TTC7B: variants seen among roughly 807,000 people sequenced by gnomAD.
The protein encoded by TTC7B is tetratricopeptide repeat domain 7B.
TTC7B carries 28 observed loss-of-function variants against 106.8 expected under a neutral mutation model. That is an observed-to-expected ratio of 0.26 (90% CI 0.19 to 0.36). TTC7B has a LOEUF of 0.36. Ranked by LOEUF, TTC7B falls within the 10% of genes least tolerant of loss-of-function variation. The probability of loss-of-function intolerance (pLI) is 1.00; values close to 1 mark genes in which losing one functional copy is unlikely to be tolerated. For synonymous variants in TTC7B, 405 were observed against 430.6 expected (o/e 0.94, Z 0.74); for missense variants, 862 against 1,076.4 (o/e 0.80, Z 2.79).
At chr14:90,730,977 G>T (rs1436111761) in intron 4 of TTC7B, among the ~76,000 whole-genome samples, 3 of 152,060 alleles carry the variant, frequency 2.0e-5, no homozygotes, top group African/African-American at 7.2e-5. Context: ...ACAGAGTCTC[G>T]CTCTGTCGCC....
At position 90,578,767 on chromosome 14, in the gene TTC7B, G is replaced by A. The variant is rs547112935; in HGVS notation, c.2108-459C>T. ...CTGCCCTCTGACCCACTCTCCTGAT[G>A]CCAAGAAGTATGATGGGGCTGCAGG... On this transcript the variant is annotated intron_variant, in intron 18 of 19. Coordinates refer to ENST00000328459, the MANE Select transcript of TTC7B (RefSeq NM_001010854.2). This position sits in a 1 kb window ranked among gnomAD's most constrained non-coding sequence, Gnocchi z 4.7. Among the ~76,000 whole-genome samples the A allele has an allele frequency of 2.0e-5, 3 of 152,114 alleles. No individual in the cohort carries two copies. Among genetic ancestry groups the A allele is most frequent in the African/African-American group, 2.4e-5 (1 of 41,518 alleles).
chr14:90,779,341 T>C (rs1891134981), intron 3 of TTC7B, among the ~76,000 whole-genome samples: 1 of 152,232 alleles, frequency 6.6e-6, no homozygotes, highest in South Asian at 2.1e-4. Flanking sequence ...CTCGCTCTTG[T>C]CGCACAGGCT....
At chr14:90,786,144 G>A (rs765162858) in intron 2 of TTC7B, 30 bp downstream of exon 2, 254 of 1,512,868 alleles carry the variant, frequency 1.7e-4, no homozygotes, top group Non-Finnish European at 2.2e-4. Context: ...TCCAAAGGAA[G>A]TGTCGCCTCA....
chr14:90,728,167 A>G (rs1889182937), intron 5 of TTC7B, among the ~76,000 whole-genome samples: 1 of 151,990 alleles, frequency 6.6e-6, no homozygotes, highest in Non-Finnish European at 1.5e-5. Flanking sequence ...AGCTAGTTGC[A>G]CCAGCAGGGA....
At position 90,541,475 on chromosome 14, in the gene TTC7B, G is replaced by A; in HGVS notation, c.2425C>T (p.Gln809Ter). 1 of 1,614,090 alleles carries A rather than the reference G, an allele frequency of 6.2e-7. No individual in the cohort carries two copies. The highest frequency in any genetic ancestry group is 8.5e-7 in the Non-Finnish European group (1 of 1,179,994). ...GCCGCCGCATCGTTGCCCTGAGCTT[G>A]GAGGACCTCGCCCAGCCCGTTCCAG... ...EVWNGLGEVL[Q>*]AQGNDAAATE... is the part of the protein sequence containing the mutation. The change falls in exon 20 of 20, where the codon CAA becomes TAA. Residue 809 changes from glutamine (Q) to a stop codon, truncating the protein, a stop_gained. Transcript: ENST00000328459. LOFTEE classifies it high-confidence loss of function.
intron 6 of TTC7B, among the ~76,000 whole-genome samples, chr14:90,694,334 C>T (rs1012447620): frequency 6.6e-6 from 1 of 152,064 alleles, no homozygotes; most frequent in Non-Finnish European, 1.5e-5. Flanking sequence ...TTAGTGGTTG[C>T]CAGGGACTAG....
At position 90,586,458 on chromosome 14, in the gene TTC7B, C is replaced by T. The variant is rs748690470; in HGVS notation, c.2107+7028G>A. 3.9e-5 allele frequency among the ~76,000 whole-genome samples: 6 copies of T among 152,126 alleles called. No homozygotes were observed. The South Asian group carries it at 6.2e-4, about 16-fold the overall frequency. ...GCTACTTTTGTATTTTTAGTAGAGA[C>T]GGGGTTTCACCATGTTGGCCAGGCT... On this transcript the variant is annotated intron_variant, in intron 18 of 19. Transcript: ENST00000328459.
At chr14:90,561,528 GTC>G in intron 19 of TTC7B, among the ~76,000 whole-genome samples, 1 of 152,216 alleles carries the variant, frequency 6.6e-6, no homozygotes, top group Non-Finnish European at 1.5e-5. Flanking sequence ...CACCACTGAA[GTC>G]TCTCTGGCTC....
intron 16 of TTC7B, among the ~76,000 whole-genome samples, chr14:90,616,641 TCA>T (rs932161536): frequency 6.6e-6 from 1 of 152,184 alleles, no homozygotes; most frequent in African/African-American, 2.4e-5. Flanking sequence ...GGTCTGTCTA[TCA>T]GTTTCCAGGG....
chr14:90,753,210 T>C (rs959003936), intron 3 of TTC7B, among the ~76,000 whole-genome samples: 32 of 152,254 alleles, frequency 2.1e-4, no homozygotes, highest in Admixed American at 1.1e-3. Flanking sequence ...CTTCCTCATT[T>C]ATCTCAACCA....
At position 90,600,072 on chromosome 14, in the gene TTC7B, C is replaced by T. The variant is rs562440508; in HGVS notation, c.1967-6446G>A. On this transcript the variant is annotated intron_variant, in intron 17 of 19. Coordinates refer to ENST00000328459, the MANE Select transcript of TTC7B (RefSeq NM_001010854.2). The surrounding 1 kb of genome is among the most constrained non-coding windows in gnomAD (Gnocchi z 4.3). ...ACCAGAATGTCCTGGGGGCTGAGGA[C>T]GGGAGGAGGCGAAGGAGTTAGTGTT... Among the ~76,000 whole-genome samples, 28 of 152,190 alleles carry T rather than the reference C, an allele frequency of 1.8e-4. No individual in the cohort carries two copies. In the South Asian group the frequency reaches 1.9e-3, roughly 10 times the overall value.
intron 9 of TTC7B, among the ~76,000 whole-genome samples, chr14:90,672,986 T>G (rs73328818): frequency 1.3e-5 from 2 of 152,098 alleles, no homozygotes; most frequent in Admixed American, 1.3e-4. Flanking sequence ...AACTGATGCA[T>G]AGGAGGTTAA....
chr14:90,653,613 T>C (rs1446947120), intron 12 of TTC7B, among the ~76,000 whole-genome samples: 1 of 152,154 alleles, frequency 6.6e-6, no homozygotes, highest in African/African-American at 2.4e-5. Context: ...AGAGAAAAAG[T>C]CCTGGAGGAA....
chr14:90,578,249 C>T lies in TTC7B; in HGVS notation c.2167G>A (p.Ala723Thr). 1 of 1,614,212 alleles carries T rather than the reference C, an allele frequency of 6.2e-7. No homozygotes were observed. Among genetic ancestry groups the T allele is most frequent in the Non-Finnish European group, 8.5e-7 (1 of 1,180,052 alleles). The change falls in exon 19 of 20, where the codon GCC (alanine) becomes ACC (threonine). Residue 723 changes from alanine (A) to threonine (T), a missense_variant. Coordinates refer to ENST00000328459, the MANE Select transcript of TTC7B (RefSeq NM_001010854.2). This position sits in a 1 kb window ranked among gnomAD's most constrained non-coding sequence, Gnocchi z 4.7. ...TTGTGGGACATTGGGAAGAGGTTGG[C>T]AGCTTCTTGGGTACAGGCTGTGGCT... ...AEATACTQEA[A>T]NLFPMSHNVL...
intron 15 of TTC7B, among the ~76,000 whole-genome samples, chr14:90,643,054 T>C (rs976117995): frequency 1.3e-5 from 2 of 152,196 alleles, no homozygotes; most frequent in African/African-American, 4.8e-5. Context: ...CTTGGAAAAT[T>C]CTTAATAGCC....
At position 90,578,400 on chromosome 14, in the gene TTC7B, G is replaced by T; in HGVS notation, c.2108-92C>A. The stretch of plus-strand genomic sequence containing the variant: ...CTCTGATGTTCGTGTTCCCTGCACG[G>T]GAGTCTGGCGGGGCGCAGAGCCAGC... On this transcript the variant is annotated intron_variant, in intron 18 of 19. Coordinates refer to ENST00000328459, the MANE Select transcript of TTC7B (RefSeq NM_001010854.2). The surrounding 1 kb of genome is among the most constrained non-coding windows in gnomAD (Gnocchi z 4.7). 1 of 1,342,870 alleles carries T rather than the reference G, an allele frequency of 7.4e-7. No homozygotes were observed. Among genetic ancestry groups the T allele is most frequent in the Non-Finnish European group, 1.0e-6 (1 of 962,060 alleles). The allele number at this position is 1,342,870 out of a possible 1,614,324, so 83.2% of individuals were successfully genotyped here. A position where few individuals can be genotyped will look rare whatever the true frequency, so the allele number is the denominator to read the frequency against.
At chr14:90,816,071 G>GCCGCGCCCCTGCCCGCGCC (rs1274722147) in intron 1 of TTC7B, 104 bp downstream of exon 1, 1 of 977,408 alleles carries the variant, frequency 1.0e-6, no homozygotes. Flanking sequence ...TCGCGGCCCG[G>GCCGCGCCCCTGCCCGCGCC]CCGCGCCCCT....
chr14:90,625,060 A>G (rs55965092), intron 15 of TTC7B, among the ~76,000 whole-genome samples: 4,269 of 152,284 alleles, frequency 0.028, 205 homozygotes, highest in African/African-American at 0.098. Context: ...CTGGCTGTCA[A>G]ATATCCGAAG....
In TTC7B at chr14:90,537,351, T is replaced by A. The variant is rs1294035126; in HGVS notation, c.*4017A>T. On this transcript the variant is annotated 3_prime_UTR_variant, in exon 20 of 20. Coordinates refer to ENST00000328459, the MANE Select transcript of TTC7B (RefSeq NM_001010854.2). Reference sequence around the variant, plus strand: ...ACAGGTGCACGCCACCAAACCTGGCTATTTTTTTTTTTTTGTAGAGATGGG... The same window carrying A: ...ACAGGTGCACGCCACCAAACCTGGCAATTTTTTTTTTTTTGTAGAGATGGG... 8.3e-6 allele frequency: 1 copy of A among 120,824 alleles called. No homozygotes were observed. Among genetic ancestry groups the A allele is most frequent in the Non-Finnish European group, 1.7e-5 (1 of 60,490 alleles). The allele number at this position is 120,824 out of a possible 1,614,324, so 7.5% of individuals were successfully genotyped here. A position where few individuals can be genotyped will look rare whatever the true frequency, so the allele number is the denominator to read the frequency against.
Sources: gnomAD v4.1 joint callset for allele counts (sites outside exome capture counted in the v4.1 genomes callset) on GRCh38, gnomAD v4.1.1 for gene constraint, Gnocchi (gnomAD v3.1) non-coding constraint, MANE v1.5 for transcripts, NCBI Gene and HGNC (gene_info 2026-07-23, HGNC 2026-07-21) for gene names.